Variants in OPRD1 observed in about 807,000 individuals in gnomAD.
The protein encoded by OPRD1 is opioid receptor delta 1.
Under a neutral mutation model 17.5 loss-of-function variants are expected in OPRD1, and 19 were observed. The ratio of observed to expected loss-of-function variants is 1.09; its 90% CI spans 0.76 to 1.60. OPRD1 has a LOEUF of 1.60. OPRD1 is among the 40% of genes most tolerant of loss of function. The pLI is 0.00. For synonymous variants in OPRD1, 256 were observed against 240.9 expected, an observed-to-expected ratio of 1.06 and a Z score of -0.58; for missense variants, 483 against 547.2, an observed-to-expected ratio of 0.88 and a Z score of 1.17.
chr1:28,833,468 C>T (rs1318329847), intron 1 of OPRD1, among the ~76,000 whole-genome samples: 1 of 152,146 alleles, frequency 6.6e-6, no homozygotes. Flanking sequence ...CAGGCAGGAG[C>T]TGATGCTAGA....
intron 1 of OPRD1, among the ~76,000 whole-genome samples, chr1:28,835,247 G>T (rs1225036219): frequency 6.6e-6 from 1 of 152,202 alleles, no homozygotes; most frequent in Non-Finnish European, 1.5e-5. Flanking sequence ...AGCAGAGCCA[G>T]GGTGGTGGGG....
rs1302836398 is a variant in OPRD1, at chr1:28,866,791, C to T, written c.*3508C>T. The T allele has an allele frequency of 6.6e-6, 1 of 152,144 alleles. No homozygotes were observed. Among genetic ancestry groups the T allele is most frequent in the South Asian group, 2.1e-4 (1 of 4,820 alleles). 9.4% of individuals were successfully genotyped at this position (152,144 alleles called of 1,614,324 possible). A position where few individuals can be genotyped will look rare whatever the true frequency, so the allele number is the denominator to read the frequency against. ...AACTTTTGTTCCTCCTGAAGCTCTCCAAATCTTCACGTTTCAGAATGTACT... is the reference window on the plus strand; with the variant it reads ...AACTTTTGTTCCTCCTGAAGCTCTCTAAATCTTCACGTTTCAGAATGTACT... On this transcript the variant is annotated 3_prime_UTR_variant, in exon 3 of 3. Coordinates refer to ENST00000234961, the MANE Select transcript of OPRD1 (RefSeq NM_000911.4).
chr1:28,820,985 A>G (rs2088708686), intron 1 of OPRD1, among the ~76,000 whole-genome samples: 2 of 152,188 alleles, frequency 1.3e-5, no homozygotes, highest in Non-Finnish European at 2.9e-5. Context: ...GAGAAATTTA[A>G]GCAGAGACAG....
In OPRD1 at chr1:28,863,499, G is replaced by A. The variant is rs1254477681; in HGVS notation, c.*216G>A. ...GCGAGGCAGAGGACAGATCAATGGC[G>A]CAGTGCCTCTGGTCTGGGTGCCCCG... On this transcript the variant is annotated 3_prime_UTR_variant, in exon 3 of 3. Coordinates refer to ENST00000234961, the MANE Select transcript of OPRD1 (RefSeq NM_000911.4). 6 of 510,224 alleles carry A rather than the reference G, an allele frequency of 1.2e-5. No individual in the cohort carries two copies. Among genetic ancestry groups the A allele is most frequent in the Admixed American group, 4.0e-5 (1 of 24,698 alleles). The allele number at this position is 510,224 out of a possible 1,614,324, so 31.6% of individuals were successfully genotyped here.
At chr1:28,855,709 C>G (rs1291443894) in intron 1 of OPRD1, among the ~76,000 whole-genome samples, 2 of 152,204 alleles carry the variant, frequency 1.3e-5, no homozygotes, top group African/African-American at 4.8e-5. Flanking sequence ...CTTCACAAAT[C>G]AAAATAGCAG....
chr1:28,819,830 T>C (rs2124259117), intron 1 of OPRD1, among the ~76,000 whole-genome samples: 1 of 152,248 alleles, frequency 6.6e-6, no homozygotes, highest in Admixed American at 6.5e-5. Context: ...AGAGGGTAGA[T>C]TGCTGTCTGC....
At chr1:28,858,478 T>C (rs932211215) in intron 1 of OPRD1, among the ~76,000 whole-genome samples, 1 of 151,992 alleles carries the variant, frequency 6.6e-6, no homozygotes, top group African/African-American at 2.4e-5. Flanking sequence ...TTTGCTTCTG[T>C]TGTCGGGGAA....
At chr1:28,815,805 A>T (rs1321634264) in intron 1 of OPRD1, among the ~76,000 whole-genome samples, 5 of 152,202 alleles carry the variant, frequency 3.3e-5, no homozygotes, top group Non-Finnish European at 7.3e-5. Flanking sequence ...TCCTGAGCTT[A>T]GGCAGCATGT....
chr1:28,851,735 G>A (rs1240393334), intron 1 of OPRD1, among the ~76,000 whole-genome samples: 1 of 152,070 alleles, frequency 6.6e-6, no homozygotes, highest in Non-Finnish European at 1.5e-5. Context: ...GCCGGGCGTG[G>A]TGGCTCATGC....
chr1:28,847,787 C>A (rs148841552), intron 1 of OPRD1, among the ~76,000 whole-genome samples: 1,748 of 152,190 alleles, frequency 0.011, 33 homozygotes, highest in African/African-American at 0.04. Context: ...GCTATGATTG[C>A]ACCACTGCAC....
chr1:28,851,906 GC>G (rs1164851526), intron 1 of OPRD1, among the ~76,000 whole-genome samples: 4 of 150,216 alleles, frequency 2.7e-5, no homozygotes, highest in African/African-American at 9.8e-5. Context: ...GGTGGCTCAC[GC>G]CTGTAATCCC....
At chr1:28,817,204 CT>C (rs1208167786) in intron 1 of OPRD1, among the ~76,000 whole-genome samples, 1 of 152,198 alleles carries the variant, frequency 6.6e-6, no homozygotes, top group African/African-American at 2.4e-5. Flanking sequence ...TTACTAAGAG[CT>C]TTAGCAAGCC....
chr1:28,860,276 AATC>A (rs777006115), intron 2 of OPRD1, among the ~76,000 whole-genome samples: 5 of 151,978 alleles, frequency 3.3e-5, no homozygotes, highest in African/African-American at 7.2e-5. Flanking sequence ...GAGGCAGGAG[AATC>A]ACTTGAACCT....
intron 1 of OPRD1, among the ~76,000 whole-genome samples, chr1:28,848,185 G>A (rs1379574016): frequency 6.6e-6 from 1 of 152,006 alleles, no homozygotes; most frequent in Non-Finnish European, 1.5e-5. Context: ...GGAGGCGGAG[G>A]TTGCAGTGAG....
At chr1:28,846,821 TTTTCTTTCTTTCTTTCTTTCTTTCTTTTC>T (rs1256288425) in intron 1 of OPRD1, among the ~76,000 whole-genome samples, 18 of 103,580 alleles carry the variant, frequency 1.7e-4, no homozygotes, top group African/African-American at 4.0e-4. Context: ...GCTGTTTGCA[TTTTCTTTCTTTCTTTCTTTCTTTCTTTTC>T]TTTCTTTCTT....
In OPRD1 at chr1:28,846,846, T is replaced by TTTCTTTCTTTCTTTTCTTTCTTTC. The variant is rs769212543; in HGVS notation, c.228-12106_228-12105insCTTTCTTTCTTTTCTTTCTTTCTT. ...TTTTCTTTCTTTCTTTCTTTCTTTC[T>TTTCTTTCTTTCTTTTCTTTCTTTC]TTTCTTTCTTTCTTTCTTTCTTTCT... On this transcript the variant is annotated intron_variant, in intron 1 of 2. Coordinates refer to ENST00000234961, the MANE Select transcript of OPRD1 (RefSeq NM_000911.4). Among the ~76,000 whole-genome samples the TTTCTTTCTTTCTTTTCTTTCTTTC allele has an allele frequency of 2.8e-3, 215 of 76,844 alleles. 1 individual carries two copies. The highest frequency in any genetic ancestry group is 0.028 in the East Asian group (20 of 722). The allele number at this position is 76,844 out of a possible 152,430, so 50.4% of individuals were successfully genotyped here. A position where few individuals can be genotyped will look rare whatever the true frequency, so the allele number is the denominator to read the frequency against.
rs79143213 is a variant in OPRD1 at position 28,825,770 on chromosome 1, A to T, written c.227+13160A>T. 2.1e-3 allele frequency among the ~76,000 whole-genome samples: 327 copies of T among 152,352 alleles called. 13 individuals carry two copies. In the East Asian group the frequency reaches 0.06, roughly 28 times the overall value. On this transcript the variant is annotated intron_variant, in intron 1 of 2. Transcript: ENST00000234961. ...CCTAAAGAACTCCAGGTTCCCTGGG[A>T]CAAGGCCAACAGCAGGGAGGCAGCC...
intron 1 of OPRD1, among the ~76,000 whole-genome samples, chr1:28,817,448 C>T (rs1431920836): frequency 1.3e-5 from 2 of 152,128 alleles, no homozygotes; most frequent in Non-Finnish European, 2.9e-5. Flanking sequence ...AGTCTCCTGC[C>T]GAGGTTCCAG....
chr1:28,843,218 CA>C (rs1346253776), intron 1 of OPRD1, among the ~76,000 whole-genome samples: 1 of 152,170 alleles, frequency 6.6e-6, no homozygotes, highest in Admixed American at 6.6e-5. Flanking sequence ...ACCCCACTCC[CA>C]AGCTTAGAAA....
Sources: gnomAD v4.1 joint callset for allele counts (sites outside exome capture counted in the v4.1 genomes callset) on GRCh38, gnomAD v4.1.1 for gene constraint, MANE v1.5 for transcripts, NCBI Gene and HGNC (gene_info 2026-07-23, HGNC 2026-07-21) for gene names.